RARB: variants seen among roughly 807,000 people sequenced by gnomAD.
The protein encoded by RARB is retinoic acid receptor beta.
In RARB, 17 loss-of-function variants were observed where a neutral mutation model predicts 51.9. The observed-to-expected ratio is 0.33, with a 90% CI of 0.22 to 0.49. RARB has a LOEUF of 0.49. Among genes scored for constraint, RARB ranks in the 20% least tolerant of loss-of-function variants. RARB has a pLI of 0.99. For synonymous variants in RARB, 215 were observed against 195.4 expected (o/e 1.10, Z -0.84); for missense variants, 369 against 550.8 (o/e 0.67, Z 3.30).
chr3:25,405,858 G>A (rs1707392437), intron 5 of RARB, among the ~76,000 whole-genome samples: 9 of 152,168 alleles, frequency 5.9e-5, no homozygotes, highest in Admixed American at 5.9e-4. Context: ...CATGGCAGAT[G>A]TGGCATAGGA....
At chr3:25,592,160 G>A (rs1250145155) in intron 5 of RARB, among the ~76,000 whole-genome samples, 1 of 152,212 alleles carries the variant, frequency 6.6e-6, no homozygotes, top group Non-Finnish European at 1.5e-5. Flanking sequence ...TAGAGGTCCT[G>A]TGTCTTCCTC....
intron 2 of RARB, among the ~76,000 whole-genome samples, chr3:25,044,978 C>G (rs566361053): frequency 5.1e-4 from 77 of 152,240 alleles, no homozygotes; most frequent in Middle Eastern, 3.4e-3. Context: ...AATCAAAGTC[C>G]TCCCGGCATT....
chr3:25,138,626 G>T (rs1700066941), intron 4 of RARB, among the ~76,000 whole-genome samples: 1 of 152,046 alleles, frequency 6.6e-6, no homozygotes, highest in Admixed American at 6.6e-5. Flanking sequence ...GGAAGTTCAA[G>T]ATTATGTTTA....
chr3:24,896,435 A>G (rs1468129050), intron 2 of RARB, among the ~76,000 whole-genome samples: 1 of 151,840 alleles, frequency 6.6e-6, no homozygotes, highest in Non-Finnish European at 1.5e-5. Flanking sequence ...AATTTTTTGT[A>G]TTTTTAGTAG....
At chr3:25,443,884 T>C (rs961829016) in intron 1 of RARB, among the ~76,000 whole-genome samples, 6 of 152,050 alleles carry the variant, frequency 3.9e-5, no homozygotes, top group African/African-American at 1.4e-4. Flanking sequence ...TGAGCCGAGA[T>C]AGCACCACTG....
intron 5 of RARB, among the ~76,000 whole-genome samples, chr3:25,186,380 G>T (rs1383331685): frequency 6.6e-6 from 1 of 152,024 alleles, no homozygotes; most frequent in Admixed American, 6.6e-5. Context: ...TTTTGAAAAT[G>T]ACTTAGCACA....
At chr3:25,170,928 T>C (rs1251784174) in intron 4 of RARB, among the ~76,000 whole-genome samples, 1 of 152,232 alleles carries the variant, frequency 6.6e-6, no homozygotes, top group Non-Finnish European at 1.5e-5. Context: ...TGACCAATCA[T>C]GCTACCTCCT....
chr3:25,402,128 A>T lies in RARB; in HGVS notation c.179-59065A>T, dbSNP rs576282596. The stretch of plus-strand genomic sequence containing the variant: ...TTTGTAGAAAGAGTAAAGAGATAAA[A>T]AAGCAATTTTAAAAAGAAAAAAGCC... On this transcript the variant is annotated intron_variant, in intron 5 of 11. Transcript: ENST00000383772. Among the ~76,000 whole-genome samples, 11 of 152,340 alleles carry T rather than the reference A, an allele frequency of 7.2e-5. No individual in the cohort carries two copies. In the South Asian group the frequency reaches 2.3e-3, roughly 32 times the overall value.
chr3:25,404,362 T>A (rs1707348141), intron 5 of RARB, among the ~76,000 whole-genome samples: 1 of 152,192 alleles, frequency 6.6e-6, no homozygotes, highest in African/African-American at 2.4e-5. Context: ...CACTCCTTGG[T>A]AGAAAGTTGA....
intron 2 of RARB, among the ~76,000 whole-genome samples, chr3:24,948,971 C>A (rs1695831494): frequency 6.6e-6 from 1 of 152,120 alleles, no homozygotes; most frequent in African/African-American, 2.4e-5. Context: ...TTTAGATGTT[C>A]CTTTATAGTG....
At chr3:25,363,027 G>C (rs1380157389) in intron 5 of RARB, among the ~76,000 whole-genome samples, 1 of 152,030 alleles carries the variant, frequency 6.6e-6, no homozygotes, top group African/African-American at 2.4e-5. Flanking sequence ...AAACATGAAA[G>C]TTGAGTGGAT....
chr3:25,057,009 T>C (rs1458222188), intron 2 of RARB, among the ~76,000 whole-genome samples: 1 of 152,102 alleles, frequency 6.6e-6, no homozygotes, highest in Non-Finnish European at 1.5e-5. Context: ...TATTTCATGG[T>C]GGCACTCCCC....
intron 5 of RARB, among the ~76,000 whole-genome samples, chr3:25,313,329 C>T (rs1704337015): frequency 6.6e-6 from 1 of 152,206 alleles, no homozygotes; most frequent in Non-Finnish European, 1.5e-5. Context: ...GCAAGATCTA[C>T]ATCAAGTTTC....
At chr3:25,077,744 T>C (rs1459164143) in intron 3 of RARB, among the ~76,000 whole-genome samples, 3 of 152,122 alleles carry the variant, frequency 2.0e-5, no homozygotes, top group African/African-American at 7.2e-5. Flanking sequence ...ATATATATAT[T>C]CAACTTCATA....
intron 5 of RARB, among the ~76,000 whole-genome samples, chr3:25,268,842 A>C (rs1471051902): frequency 1.3e-5 from 2 of 152,062 alleles, no homozygotes; most frequent in African/African-American, 4.8e-5. Flanking sequence ...CCCCACTATG[A>C]TTTGGTATCA....
intron 3 of RARB, among the ~76,000 whole-genome samples, chr3:25,078,778 G>A (rs6797206): frequency 0.16 from 24,374 of 152,070 alleles, 3,206 homozygotes; most frequent in African/African-American, 0.36. Flanking sequence ...TGATCTGTCC[G>A]TCTTGGCCTC....
chr3:24,877,469 G>T (rs1316287102), intron 2 of RARB, among the ~76,000 whole-genome samples: 3 of 150,066 alleles, frequency 2.0e-5, no homozygotes, highest in South Asian at 4.2e-4. Context: ...GGGAGAATTT[G>T]TTGAAAGGCT....
Position 25,050,198 on chromosome 3 carries a change from G to C in RARB, c.-379-9927G>C, listed in dbSNP as rs113943293. 1.9e-3 allele frequency among the ~76,000 whole-genome samples: 289 copies of C among 152,214 alleles called. 4 individuals carry two copies. The highest frequency in any genetic ancestry group is 6.7e-3 in the African/African-American group (280 of 41,526). On this transcript the variant is annotated intron_variant, in intron 2 of 11. Coordinates refer to the RARB transcript ENST00000383772. ...TTGTATATTGAAATGACTATGCAAC[G>C]GTCAAACCTAAAAATCTGTGCTTCT...
At chr3:24,963,247 A>G (rs1696180143) in intron 2 of RARB, among the ~76,000 whole-genome samples, 2 of 151,830 alleles carry the variant, frequency 1.3e-5, no homozygotes, top group South Asian at 4.2e-4. Context: ...GAAATGGGGT[A>G]AGCTCTGGGC....
Sources: allele counts gnomAD v4.1 joint callset (sites outside exome capture counted in the v4.1 genomes callset), GRCh38; gene constraint gnomAD v4.1.1; transcripts MANE v1.5; gene names NCBI Gene and HGNC (gene_info 2026-07-23, HGNC 2026-07-21).